The following FBXO15 variants were observed in gnomAD, a reference collection of about 807,000 sequenced individuals.
FBXO15 encodes the protein F-box protein 15.
In FBXO15, 30 loss-of-function variants were observed where a neutral mutation model predicts 49.5. The ratio of observed to expected loss-of-function variants is 0.61; its 90% CI spans 0.45 to 0.82. The LOEUF is 0.82. Among genes scored for constraint, FBXO15 ranks in the 40% least tolerant of loss-of-function variants. FBXO15 has a pLI of 0.00. For synonymous variants in FBXO15, 250 were observed against 232.7 expected (o/e 1.07, Z -0.68); for missense variants, 591 against 631.5 (o/e 0.94, Z 0.69).
Position 74,147,758 on chromosome 18 carries a change from G to A in FBXO15, c.28C>T (p.Gln10Ter). Residue 10 changes from glutamine (Q) to a stop codon, truncating the protein, a stop_gained, in exon 1 of 10, where the codon CAG (glutamine) becomes TAG (stop). Transcript: ENST00000419743. LOFTEE classifies it high-confidence loss of function. ...GTCTGGAGGCCGAGCCAGTGCTGCTGCAAGATCCGACCGCGTCCAGTCGCC... is the reference window on the plus strand; with the variant it reads ...GTCTGGAGGCCGAGCCAGTGCTGCTACAAGATCCGACCGCGTCCAGTCGCC... MATGRGRIL[Q>*]QHWLGLQTLR... 1 of 1,535,542 alleles carries A rather than the reference G, an allele frequency of 6.5e-7. No individual in the cohort carries two copies. The highest frequency in any genetic ancestry group is 8.8e-7 in the Non-Finnish European group (1 of 1,142,666).
At chr18:74,134,867 C>T (rs1465573050) in intron 3 of FBXO15, among the ~76,000 whole-genome samples, 1 of 152,156 alleles carries the variant, frequency 6.6e-6, no homozygotes, top group Non-Finnish European at 1.5e-5. Flanking sequence ...CATTCTGCCA[C>T]TCTCCGTCTC....
At chr18:74,135,894 A>AG (rs397807232) in intron 2 of FBXO15, 28 bp from the exon 3 acceptor site, 35 of 1,571,304 alleles carry the variant, frequency 2.2e-5, no homozygotes, top group Admixed American at 1.8e-4. Context: ...GAAAAAAAAA[A>AG]TCACCAGAGT....
intron 6 of FBXO15, among the ~76,000 whole-genome samples, chr18:74,124,832 T>C (rs1174608892): frequency 1.3e-5 from 2 of 152,218 alleles, no homozygotes; most frequent in African/African-American, 4.8e-5. Context: ...AGCCTAGAGC[T>C]TGTGAAATAT....
At chr18:74,096,434 C>T (rs1178971479) in intron 8 of FBXO15, among the ~76,000 whole-genome samples, 4 of 151,696 alleles carry the variant, frequency 2.6e-5, no homozygotes, top group African/African-American at 7.3e-5. Flanking sequence ...GTTACTACAG[C>T]CAAGGTGAAA....
chr18:74,095,353 A>G (rs575015439), intron 8 of FBXO15, among the ~76,000 whole-genome samples: 1 of 152,234 alleles, frequency 6.6e-6, no homozygotes, highest in Non-Finnish European at 1.5e-5. Context: ...ACTAAACTTA[A>G]TCACTTCTAG....
intron 6 of FBXO15, among the ~76,000 whole-genome samples, chr18:74,124,781 T>A (rs17088794): frequency 0.087 from 13,307 of 152,220 alleles, 821 homozygotes; most frequent in Admixed American, 0.2. Context: ...GGACCACAAT[T>A]CACCCAAATA....
chr18:74,130,421 G>T lies in FBXO15; in HGVS notation c.570C>A (p.Ala190=), dbSNP rs751814344. The change falls in exon 4 of 10, where the codon GCC becomes GCA. Residue 190 remains alanine (A), a synonymous_variant. Coordinates refer to ENST00000419743, the MANE Select transcript of FBXO15 (RefSeq NM_001142958.2). ...YTGLPVKTKE[A]LRIFGLGWAI... is the part of the protein sequence containing the mutation. ...TTTTGGAACACACTGCGTACCTGAG[G>T]GCCTCTTTGGTCTTAACTGGAAGGC... is the stretch of plus-strand genomic sequence containing the variant. The T allele has an allele frequency of 1.2e-6, 2 of 1,614,070 alleles. No homozygotes were observed. Among genetic ancestry groups the T allele is most frequent in the South Asian group, 2.2e-5 (2 of 91,078 alleles).
In FBXO15 at chr18:74,073,379, G is replaced by A. The variant is rs1044271720; in HGVS notation, c.*82C>T. 48 of 1,427,630 alleles carry A rather than the reference G, an allele frequency of 3.4e-5. No homozygotes were observed. The highest frequency in any genetic ancestry group is 7.8e-5 in the Admixed American group (4 of 50,976). 88.4% of individuals were successfully genotyped at this position (1,427,630 alleles called of 1,614,324 possible). On this transcript the variant is annotated 3_prime_UTR_variant, in exon 10 of 10. Transcript: ENST00000419743. The stretch of plus-strand genomic sequence containing the variant: ...GCATTGCACAGCACTCTGCAGATTT[G>A]CTTTATTTTAATTTTCAACACCAAG...
In FBXO15 at chr18:74,103,861, T is replaced by C. The variant is rs577850955; in HGVS notation, c.1138+19507A>G. The stretch of plus-strand genomic sequence containing the variant: ...ATTCACCAACACCAGACCTATCTTA[T>C]AAGAAATGCTAAAAGGAGTTATTCA... On this transcript the variant is annotated intron_variant, in intron 8 of 9. Coordinates refer to ENST00000419743, the MANE Select transcript of FBXO15 (RefSeq NM_001142958.2). Among the ~76,000 whole-genome samples, 24 of 152,272 alleles carry C rather than the reference T, an allele frequency of 1.6e-4. No homozygotes were observed. The South Asian group carries it at 5.0e-3, about 32-fold the overall frequency.
chr18:74,126,018 C>T lies in FBXO15; in HGVS notation c.869G>A (p.Arg290Gln), dbSNP rs773280196. The T allele has an allele frequency of 2.5e-6, 4 of 1,613,858 alleles. No individual in the cohort carries two copies. Among genetic ancestry groups the T allele is most frequent in the Middle Eastern group, 1.6e-4 (1 of 6,084 alleles). ...GAGGCCAGGGTGCAGGCAGAAGATC[C>T]GAATGAGTCTGTCACAGCCAATCAT... ...STMIGCDRLI[R>Q]IFCLHPGLLV... The change falls in exon 6 of 10, where the codon CGG (arginine) becomes CAG (glutamine). Residue 290 changes from arginine to glutamine, a missense_variant. Transcript: ENST00000419743.
intron 8 of FBXO15, among the ~76,000 whole-genome samples, chr18:74,105,900 T>C (rs1055390940): frequency 2.0e-5 from 3 of 152,056 alleles, no homozygotes; most frequent in African/African-American, 7.2e-5. Flanking sequence ...CTGCTCAAAA[T>C]ACAAAGAAGA....
intron 8 of FBXO15, among the ~76,000 whole-genome samples, chr18:74,092,334 T>A (rs1360936807): frequency 6.6e-6 from 1 of 152,212 alleles, no homozygotes; most frequent in Non-Finnish European, 1.5e-5. Context: ...TGAATGTTGA[T>A]GATTTTTGTT....
At chr18:74,103,480 T>C (rs939172038) in intron 8 of FBXO15, among the ~76,000 whole-genome samples, 1 of 151,754 alleles carries the variant, frequency 6.6e-6, no homozygotes, top group Non-Finnish European at 1.5e-5. Context: ...AACAGAAAAC[T>C]TTCCAAAACT....
intron 9 of FBXO15, among the ~76,000 whole-genome samples, chr18:74,080,364 G>C (rs937323931): frequency 2.0e-5 from 3 of 152,198 alleles, no homozygotes; most frequent in Non-Finnish European, 4.4e-5. Flanking sequence ...TACCCTCCAG[G>C]CCCAAGGGAG....
At chr18:74,084,737 G>T (rs1394117672) in intron 8 of FBXO15, among the ~76,000 whole-genome samples, 3 of 152,114 alleles carry the variant, frequency 2.0e-5, no homozygotes, top group African/African-American at 7.2e-5. Flanking sequence ...GTACTGGTAA[G>T]CATGGCCTTT....
intron 8 of FBXO15, among the ~76,000 whole-genome samples, chr18:74,093,755 T>C (rs1161312837): frequency 6.6e-6 from 1 of 152,224 alleles, no homozygotes; most frequent in African/African-American, 2.4e-5. Flanking sequence ...AGGGTTAGAA[T>C]CAACTTCTTC....
chr18:74,109,271 A>G (rs1283951042), intron 8 of FBXO15, among the ~76,000 whole-genome samples: 1 of 152,210 alleles, frequency 6.6e-6, no homozygotes, highest in Non-Finnish European at 1.5e-5. Flanking sequence ...AATCAAAACC[A>G]TAATAAGACA....
intron 8 of FBXO15, among the ~76,000 whole-genome samples, chr18:74,109,370 C>T (rs1568167987): frequency 6.6e-6 from 1 of 152,176 alleles, no homozygotes; most frequent in Non-Finnish European, 1.5e-5. Context: ...AATGCTTTTA[C>T]ACTGTTGGTG....
In FBXO15 at chr18:74,129,271, T is replaced by C. The variant is rs956309016; in HGVS notation, c.785+134A>G. The C allele has an allele frequency of 6.8e-6, 5 of 739,324 alleles. No homozygotes were observed. In the African/African-American group the frequency reaches 8.9e-5, roughly 13 times the overall value. 45.8% of individuals were successfully genotyped at this position (739,324 alleles called of 1,614,324 possible). A position where few individuals can be genotyped will look rare whatever the true frequency, so the allele number is the denominator to read the frequency against. ...AAATGCACTCTTTTCCTCTTCTGCA[T>C]TAATGCAGAATGTACATTTAATATG... is the stretch of plus-strand genomic sequence containing the variant. On this transcript the variant is annotated intron_variant, in intron 5 of 9. Coordinates refer to ENST00000419743, the MANE Select transcript of FBXO15 (RefSeq NM_001142958.2).
Sources: allele counts gnomAD v4.1 joint callset (sites outside exome capture counted in the v4.1 genomes callset), GRCh38; gene constraint gnomAD v4.1.1; transcripts MANE v1.5; gene names NCBI Gene and HGNC (gene_info 2026-07-23, HGNC 2026-07-21).